Variants in IQCM observed in about 807,000 individuals in gnomAD.
The protein encoded by IQCM is IQ domain-containing protein M.
Under a neutral mutation model 57.6 loss-of-function variants are expected in IQCM, and 45 were observed. That is an observed-to-expected ratio of 0.78 (90% CI 0.62 to 1.00). IQCM has a LOEUF of 1.00. Ranked by LOEUF, IQCM falls within the 50% of genes least tolerant of loss-of-function variation. The probability of loss-of-function intolerance (pLI) is 0.00; values close to 1 mark genes in which losing one functional copy is unlikely to be tolerated. For missense variants in IQCM, 468 were observed against 511.6 expected, an observed-to-expected ratio of 0.91 and a Z score of 0.82; for synonymous variants, 148 against 158.9, an observed-to-expected ratio of 0.93 and a Z score of 0.51.
intron 12 of IQCM, among the ~76,000 whole-genome samples, chr4:149,495,410 A>G (rs954716873): frequency 1.3e-5 from 2 of 152,144 alleles, no homozygotes; most frequent in Non-Finnish European, 2.9e-5. Context: ...TCTAGAATAT[A>G]GTGACAAGCC....
At chr4:149,494,204 T>A (rs767043951) in intron 12 of IQCM, among the ~76,000 whole-genome samples, 1 of 152,084 alleles carries the variant, frequency 6.6e-6, no homozygotes, top group Non-Finnish European at 1.5e-5. Context: ...TTTGTGTGAG[T>A]TACAGTATGC....
chr4:149,393,501 A>C (rs1478452162), intron 13 of IQCM, among the ~76,000 whole-genome samples: 1 of 151,956 alleles, frequency 6.6e-6, no homozygotes, highest in Non-Finnish European at 1.5e-5. Context: ...ATAGTGGATA[A>C]GAATTTTTAA....
chr4:149,765,214 G>A (rs1254484018), intron 2 of IQCM, among the ~76,000 whole-genome samples: 4 of 152,066 alleles, frequency 2.6e-5, no homozygotes, highest in Admixed American at 6.6e-5. Flanking sequence ...AACAAGGTCA[G>A]AGTCTGTCTG....
chr4:149,744,972 C>T (rs1390517532), intron 2 of IQCM, among the ~76,000 whole-genome samples: 5 of 152,200 alleles, frequency 3.3e-5, no homozygotes, highest in Admixed American at 2.0e-4. Context: ...CAAATGAAGA[C>T]AACATCACCG....
intron 12 of IQCM, among the ~76,000 whole-genome samples, chr4:149,476,666 G>A (rs1579194380): frequency 1.3e-5 from 2 of 152,116 alleles, no homozygotes; most frequent in East Asian, 3.9e-4. Context: ...AAAGGTAGAG[G>A]AGGCTGGATC....
chr4:149,408,481 CTA>C (rs1733140718), intron 13 of IQCM, among the ~76,000 whole-genome samples: 2 of 152,118 alleles, frequency 1.3e-5, no homozygotes, highest in Non-Finnish European at 2.9e-5. Flanking sequence ...CCTTTTGTTC[CTA>C]TCTCATAAGA....
At chr4:149,615,462 AG>A (rs2150062444) in intron 8 of IQCM, among the ~76,000 whole-genome samples, 1 of 152,296 alleles carries the variant, frequency 6.6e-6, no homozygotes, top group African/African-American at 2.4e-5. Context: ...TACATTAAAA[AG>A]TTTAGGGTCC....
At chr4:149,588,491 C>G (rs1372993382) in intron 8 of IQCM, among the ~76,000 whole-genome samples, 1 of 151,822 alleles carries the variant, frequency 6.6e-6, no homozygotes, top group Non-Finnish European at 1.5e-5. Context: ...TCCCCTAAAT[C>G]CATATGTCAA....
chr4:149,530,277 A>G (rs1746597589), intron 12 of IQCM, among the ~76,000 whole-genome samples: 2 of 152,142 alleles, frequency 1.3e-5, no homozygotes. Flanking sequence ...TTATATGTAT[A>G]CATATATATA....
At chr4:149,562,645 T>C (rs1750235140) in intron 10 of IQCM, among the ~76,000 whole-genome samples, 1 of 152,168 alleles carries the variant, frequency 6.6e-6, no homozygotes, top group Admixed American at 6.5e-5. Context: ...TTTTCAGCAA[T>C]GAAATAGATA....
chr4:149,809,647 G>A (rs980789401), intron 2 of IQCM, among the ~76,000 whole-genome samples: 2 of 152,080 alleles, frequency 1.3e-5, no homozygotes, highest in Non-Finnish European at 2.9e-5. Context: ...GAAGTCTGAG[G>A]GCAACAATAC....
chr4:149,800,254 C>T (rs993109796), intron 2 of IQCM, among the ~76,000 whole-genome samples: 1 of 151,744 alleles, frequency 6.6e-6, no homozygotes, highest in African/African-American at 2.4e-5. Context: ...ACCAAATGAT[C>T]ATTTCAATTA....
intron 13 of IQCM, among the ~76,000 whole-genome samples, chr4:149,417,077 G>GA: frequency 6.6e-6 from 1 of 152,278 alleles, no homozygotes; most frequent in Non-Finnish European, 1.5e-5. Flanking sequence ...AAAGGCAACA[G>GA]AAAGACTTTC....
intron 13 of IQCM, among the ~76,000 whole-genome samples, chr4:149,388,541 T>C (rs1222256014): frequency 7.5e-6 from 1 of 133,458 alleles, no homozygotes; most frequent in African/African-American, 2.7e-5. Context: ...TTATATATTA[T>C]ATATAATATA....
intron 12 of IQCM, among the ~76,000 whole-genome samples, chr4:149,497,746 TTAAAA>T (rs1742815478): frequency 1.6e-5 from 1 of 62,730 alleles, no homozygotes; most frequent in Non-Finnish European, 4.3e-5. Flanking sequence ...GTATTTCACT[TTAAAA>T]AAAAAAAAAA....
At chr4:149,636,527 C>T (rs984127003) in intron 7 of IQCM, among the ~76,000 whole-genome samples, 19 of 152,094 alleles carry the variant, frequency 1.2e-4, no homozygotes, top group African/African-American at 4.6e-4. Flanking sequence ...AGTCTATCTC[C>T]AATCCAAACA....
chr4:149,626,873 C>T (rs1026750341), intron 7 of IQCM, among the ~76,000 whole-genome samples: 3 of 152,006 alleles, frequency 2.0e-5, no homozygotes, highest in African/African-American at 7.3e-5. Flanking sequence ...TAATAATATA[C>T]TCACCCCTCC....
At chr4:149,777,399 G>A (rs1324798480) in intron 2 of IQCM, among the ~76,000 whole-genome samples, 3 of 152,136 alleles carry the variant, frequency 2.0e-5, no homozygotes, top group Non-Finnish European at 2.9e-5. Context: ...CTTTCTAACA[G>A]CCTGGTACAG....
At chr4:149,813,887 A>G (rs1774818368) in intron 2 of IQCM, among the ~76,000 whole-genome samples, 2 of 152,072 alleles carry the variant, frequency 1.3e-5, no homozygotes, top group Admixed American at 1.3e-4. Flanking sequence ...TTTTCTCACA[A>G]GCTGATAAAG....
Sources: gnomAD v4.1 joint callset for allele counts (sites outside exome capture counted in the v4.1 genomes callset) on GRCh38, gnomAD v4.1.1 for gene constraint, MANE v1.5 for transcripts, NCBI Gene and HGNC (gene_info 2026-07-23, HGNC 2026-07-21) for gene names.